Variants in POU6F2 observed in about 807,000 individuals in gnomAD.
POU6F2 encodes the protein POU domain, class 6, transcription factor 2.
Under a neutral mutation model 71.3 loss-of-function variants are expected in POU6F2, and 31 were observed. That is an observed-to-expected ratio of 0.43 (90% confidence interval 0.33 to 0.59). The LOEUF is 0.59. POU6F2 is among the 20% of genes least tolerant of loss of function. The pLI is 0.04. For synonymous variants in POU6F2, 347 were observed against 355.7 expected, an observed-to-expected ratio of 0.98 and a Z score of 0.27; for missense variants, 783 against 856.8, an observed-to-expected ratio of 0.91 and a Z score of 1.07.
chr7:39,411,942 T>A (rs1787558434), intron 6 of POU6F2, among the ~76,000 whole-genome samples: 4 of 152,194 alleles, frequency 2.6e-5, no homozygotes, highest in African/African-American at 9.7e-5. Context: ...TCAAACATGG[T>A]TAAAAATACG....
intron 1 of POU6F2, among the ~76,000 whole-genome samples, chr7:39,062,289 C>A (rs1233817254): frequency 1.3e-5 from 2 of 151,874 alleles, no homozygotes; most frequent in Non-Finnish European, 2.9e-5. Flanking sequence ...TAATTTTTAT[C>A]CTGCAGACCT....
chr7:39,464,508 C>T lies in POU6F2; in HGVS notation c.1985C>T (p.Ser662Phe), dbSNP rs759010617. ...CACTTTGAGAAGAACACACACCCTT[C>T]TGGGCAGGAAATGACCGAAATTGCT... Reference protein sequence around the residue: ...NAHFEKNTHPSGQEMTEIAEK... With the variant: ...NAHFEKNTHPFGQEMTEIAEK... The change falls in exon 10 of 10, where the codon TCT becomes TTT. Residue 662 changes from serine (S) to phenylalanine (F), a missense_variant. Physicochemically the swap from Ser to Phe is radical, Grantham distance 155. Transcript: ENST00000518318. This position sits in a 1 kb window ranked among gnomAD's most constrained non-coding sequence, Gnocchi z 4.1. The T allele has an allele frequency of 1.9e-5, 31 of 1,613,602 alleles. No homozygotes were observed. Among genetic ancestry groups the T allele is most frequent in the Non-Finnish European group, 2.5e-5 (29 of 1,179,764 alleles).
chr7:39,220,212 G>A (rs1039454172), intron 4 of POU6F2, among the ~76,000 whole-genome samples: 1 of 152,186 alleles, frequency 6.6e-6, no homozygotes, highest in Non-Finnish European at 1.5e-5. Context: ...ACCGTGAAAG[G>A]TGTGCCACTT....
At chr7:39,171,089 A>G (rs1793211612) in intron 2 of POU6F2, among the ~76,000 whole-genome samples, 1 of 138,078 alleles carries the variant, frequency 7.2e-6, no homozygotes, top group Non-Finnish European at 1.5e-5. Flanking sequence ...TTTGTTACAT[A>G]GGCATACATA....
rs529467779 is a variant in POU6F2, at chr7:39,311,559, A to G, written c.599-28083A>G. Among the ~76,000 whole-genome samples the G allele has an allele frequency of 2.6e-5, 4 of 152,354 alleles. No homozygotes were observed. In the East Asian group the frequency reaches 5.8e-4, roughly 22 times the overall value. Reference sequence around the variant, plus strand: ...AAACAGTGCCCGGCCCTTACTAGGTAGTCAATAAGTATTTGTTGAATTAAT... The same window carrying G: ...AAACAGTGCCCGGCCCTTACTAGGTGGTCAATAAGTATTTGTTGAATTAAT... On this transcript the variant is annotated intron_variant, in intron 4 of 9. Transcript: ENST00000518318.
chr7:39,332,107 G>C (rs1242456771), intron 4 of POU6F2, among the ~76,000 whole-genome samples: 1 of 152,126 alleles, frequency 6.6e-6, no homozygotes, highest in Non-Finnish European at 1.5e-5. Flanking sequence ...ATGACTTCTT[G>C]TTTTAATTTG....
intron 1 of POU6F2, among the ~76,000 whole-genome samples, chr7:39,060,191 G>A (rs1187769812): frequency 1.3e-5 from 2 of 151,194 alleles, no homozygotes; most frequent in African/African-American, 4.9e-5. Context: ...CTGGGCAACA[G>A]AGCAAAATTC....
chr7:39,046,007 A>C (rs1790284865), intron 1 of POU6F2, among the ~76,000 whole-genome samples: 1 of 151,820 alleles, frequency 6.6e-6, no homozygotes, highest in Non-Finnish European at 1.5e-5. Flanking sequence ...TGATATGTTT[A>C]TGGTTCACTT....
At position 39,015,991 on chromosome 7, in the gene POU6F2, A is replaced by ATATATTATATATATTATATATATT. The variant is rs1562671057; in HGVS notation, c.105+37933_105+37934insTATATTATATATATTATATATATT. The stretch of plus-strand genomic sequence containing the variant: ...ATATATATTATATATAGATATATAT[A>ATATATTATATATATTATATATATT]ATATATAGATATATATTATATATTA... On this transcript the variant is annotated intron_variant, in intron 1 of 9. Coordinates refer to ENST00000518318, the MANE Select transcript of POU6F2 (RefSeq NM_001370959.1). Among the ~76,000 whole-genome samples the ATATATTATATATATTATATATATT allele has an allele frequency of 1.6e-4, 3 of 19,168 alleles. 1 individual carries two copies. The highest frequency in any genetic ancestry group is 2.8e-4 in the Non-Finnish European group (3 of 10,808). 12.6% of individuals were successfully genotyped at this position (19,168 alleles called of 152,430 possible).
intron 4 of POU6F2, among the ~76,000 whole-genome samples, chr7:39,321,958 GACAA>G (rs35462377): frequency 5.1e-4 from 78 of 151,912 alleles, no homozygotes; most frequent in Non-Finnish European, 1.6e-4. Context: ...CATGAGTCCA[GACAA>G]ACAATGAGAG....
chr7:39,198,907 C>G (rs1376315236), intron 2 of POU6F2, among the ~76,000 whole-genome samples: 3 of 152,196 alleles, frequency 2.0e-5, no homozygotes, highest in Non-Finnish European at 4.4e-5. Context: ...CTGGGATTCT[C>G]ACACCCAACA....
At chr7:39,241,635 G>T (rs769508358) in intron 4 of POU6F2, among the ~76,000 whole-genome samples, 4 of 152,074 alleles carry the variant, frequency 2.6e-5, no homozygotes, top group Admixed American at 2.0e-4. Flanking sequence ...AGAGAGGAGA[G>T]GTCAGTAGGG....
rs1784508309 is a variant in POU6F2 at position 39,278,802 on chromosome 7, G to A, written c.599-60840G>A. On this transcript the variant is annotated intron_variant, in intron 4 of 9. Coordinates refer to ENST00000518318, the MANE Select transcript of POU6F2 (RefSeq NM_001370959.1). The stretch of plus-strand genomic sequence containing the variant: ...GTCACCAAGTCCAGCATGTAGCTCA[G>A]CTGAGAAGCATTTTTGTGCATGGCA... 3.9e-5 allele frequency among the ~76,000 whole-genome samples: 6 copies of A among 152,274 alleles called. No homozygotes were observed. The South Asian group carries it at 1.2e-3, about 32-fold the overall frequency.
chr7:39,015,600 CTA>C (rs1251782048), intron 1 of POU6F2, among the ~76,000 whole-genome samples: 2 of 46,268 alleles, frequency 4.3e-5, no homozygotes, highest in African/African-American at 1.4e-4. Flanking sequence ...ATAGATATAT[CTA>C]TGTTTTATAT....
chr7:39,153,657 A>AT (rs1415625507), intron 2 of POU6F2, among the ~76,000 whole-genome samples: 9 of 152,184 alleles, frequency 5.9e-5, no homozygotes, highest in Admixed American at 1.3e-4. Context: ...GATTAAGCTG[A>AT]TTTTTTTATT....
intron 1 of POU6F2, among the ~76,000 whole-genome samples, chr7:39,036,997 C>T (rs1196341263): frequency 6.6e-6 from 1 of 151,778 alleles, no homozygotes; most frequent in African/African-American, 2.4e-5. Flanking sequence ...TATTTCATCA[C>T]CCTGATACAA....
At chr7:39,301,477 T>C (rs557773882) in intron 4 of POU6F2, among the ~76,000 whole-genome samples, 2 of 152,306 alleles carry the variant, frequency 1.3e-5, no homozygotes, top group East Asian at 3.9e-4. Context: ...CTGTTACCCG[T>C]AGATCACACA....
intron 1 of POU6F2, among the ~76,000 whole-genome samples, chr7:38,990,473 G>A (rs1345861201): frequency 6.6e-6 from 1 of 152,068 alleles, no homozygotes; most frequent in African/African-American, 2.4e-5. Context: ...AGGCCAAATA[G>A]AGTGTACTCC....
chr7:39,080,076 A>G (rs1313290988), intron 1 of POU6F2, among the ~76,000 whole-genome samples: 2 of 152,244 alleles, frequency 1.3e-5, no homozygotes, highest in Admixed American at 6.5e-5. Context: ...ACTTACGTCA[A>G]TAAAAAACAC....
Sources: allele counts gnomAD v4.1 joint callset (sites outside exome capture counted in the v4.1 genomes callset), GRCh38; gene constraint gnomAD v4.1.1; non-coding constraint Gnocchi (gnomAD v3.1); transcripts MANE v1.5; gene names NCBI Gene and HGNC (gene_info 2026-07-23, HGNC 2026-07-21).